Variants in AFF4 observed in about 807,000 individuals in gnomAD.
AFF4 encodes the protein ALF transcription elongation factor 4.
AFF4 carries 13 observed loss-of-function variants against 124.8 expected under a neutral mutation model. The observed-to-expected ratio is 0.10, with a 90% CI of 0.07 to 0.17. AFF4 has a LOEUF of 0.17. Among genes scored for constraint, AFF4 ranks in the 10% least tolerant of loss-of-function variants. AFF4 has a pLI of 1.00. For synonymous variants in AFF4, 477 were observed against 496.1 expected (o/e 0.96, Z 0.51); for missense variants, 1,092 against 1,403.8 (o/e 0.78, Z 3.55).
chr5:132,905,556 T>C (rs1287900369), intron 5 of AFF4, among the ~76,000 whole-genome samples: 1 of 152,130 alleles, frequency 6.6e-6, no homozygotes, highest in Admixed American at 6.5e-5. Context: ...CCAAGACCAT[T>C]ATATGGGAAA....
chr5:132,948,603 C>G (rs888239622), intron 1 of AFF4: 3 of 159,620 alleles, frequency 1.9e-5, no homozygotes, highest in African/African-American at 7.2e-5. Context: ...TGATGGTGAC[C>G]TGTTCAGTTT....
Position 132,875,595 on chromosome 5 carries a change from T to C in AFF4, c.*5464A>G, listed in dbSNP as rs1759819820. 1 of 194,098 alleles carries C rather than the reference T, an allele frequency of 5.2e-6. No homozygotes were observed. The highest frequency in any genetic ancestry group is 1.1e-5 in the Non-Finnish European group (1 of 92,918). The allele number at this position is 194,098 out of a possible 1,614,324, so 12.0% of individuals were successfully genotyped here. A position where few individuals can be genotyped will look rare whatever the true frequency, so the allele number is the denominator to read the frequency against. On this transcript the variant is annotated 3_prime_UTR_variant, in exon 21 of 21. Transcript: ENST00000265343. ...TAAACGCATGTTTGACACTCTAAAC[T>C]TTCTATACTCTCAATACCACAAAAT...
In AFF4 at chr5:132,875,534, A is replaced by G. The variant is rs946954152; in HGVS notation, c.*5525T>C. ...AAATGTGATACCCTTGTCTCCAAAT[A>G]TTTTAATTGCCATAAATTTGTTTAA... is the stretch of plus-strand genomic sequence containing the variant. On this transcript the variant is annotated 3_prime_UTR_variant, in exon 21 of 21. Transcript: ENST00000265343. 1.1e-5 allele frequency: 2 copies of G among 190,116 alleles called. No homozygotes were observed. Among genetic ancestry groups the G allele is most frequent in the African/African-American group, 4.7e-5 (2 of 42,910 alleles). 11.8% of individuals were successfully genotyped at this position (190,116 alleles called of 1,614,324 possible).
chr5:132,908,778 T>TATATA (rs1561490392), intron 5 of AFF4, among the ~76,000 whole-genome samples: 1 of 104,350 alleles, frequency 9.6e-6, no homozygotes, highest in African/African-American at 3.7e-5. Flanking sequence ...ATATATATAT[T>TATATA]TTTTTTTTTT....
At chr5:132,886,488 G>T in intron 17 of AFF4, 85 bp from the exon 18 acceptor site, 1 of 1,236,614 alleles carries the variant, frequency 8.1e-7, no homozygotes, top group Non-Finnish European at 1.2e-6. Flanking sequence ...TTGTGCAGGA[G>T]ACTGGCTCAT....
chr5:132,963,200 C>T (rs1762121325), intron 1 of AFF4, 59 bp downstream of exon 1: 1 of 387,660 alleles, frequency 2.6e-6, no homozygotes, highest in Non-Finnish European at 4.6e-6. Context: ...CCCACCCGGC[C>T]CCGGCCACAA....
intron 5 of AFF4, chr5:132,926,269 T>C (rs375127198): frequency 2.0e-5 from 9 of 452,956 alleles, no homozygotes; most frequent in African/African-American, 1.6e-4. Context: ...GAAAGGCTAT[T>C]ATTAGGGGGA....
intron 5 of AFF4, among the ~76,000 whole-genome samples, chr5:132,912,429 T>C (rs776679673): frequency 1.3e-5 from 2 of 152,136 alleles, no homozygotes; most frequent in Non-Finnish European, 2.9e-5. Flanking sequence ...GGAGTGATGA[T>C]GGCTCACTGC....
chr5:132,907,151 C>A (rs1254322488), intron 5 of AFF4, among the ~76,000 whole-genome samples: 1 of 152,086 alleles, frequency 6.6e-6, no homozygotes, highest in Admixed American at 6.6e-5. Context: ...CCATCTGAAC[C>A]GGAAAGACTT....
rs767989221 is a variant in AFF4, at chr5:132,892,155, A to G, written c.2637+9T>C. 1.9e-6 allele frequency: 3 copies of G among 1,614,048 alleles called. No individual in the cohort carries two copies. The highest frequency in any genetic ancestry group is 2.7e-5 in the African/African-American group (2 of 74,932). Reference sequence around the variant, plus strand: ...GATTTTCAAAAGCCCCAGGCCCCCAACACTTTACCTTAACCTCCTTGGAGC... The same window carrying G: ...GATTTTCAAAAGCCCCAGGCCCCCAGCACTTTACCTTAACCTCCTTGGAGC... On this transcript the variant is annotated intron_variant, in intron 13 of 20. Transcript: ENST00000265343.
intron 1 of AFF4, among the ~76,000 whole-genome samples, chr5:132,957,627 AGGAGGCT>A (rs1761992589): frequency 3.3e-5 from 5 of 152,062 alleles, no homozygotes; most frequent in Admixed American, 3.3e-4. Flanking sequence ...CCAGCTACTC[AGGAGGCT>A]GGGGCAGGAC....
At chr5:132,931,412 G>C (rs556218170) in intron 4 of AFF4, among the ~76,000 whole-genome samples, 5 of 152,288 alleles carry the variant, frequency 3.3e-5, no homozygotes, top group Non-Finnish European at 5.9e-5. Flanking sequence ...CTGGGTAACA[G>C]AGTGAGACTC....
intron 5 of AFF4, among the ~76,000 whole-genome samples, chr5:132,905,897 G>A (rs1009338419): frequency 7.2e-5 from 11 of 152,092 alleles, no homozygotes; most frequent in Non-Finnish European, 1.3e-4. Context: ...TAAGGGGCTG[G>A]TATCCACAAT....
rs143672867 is a variant in AFF4, at chr5:132,878,644, A to AT, written c.*2414dup. On this transcript the variant is annotated 3_prime_UTR_variant, in exon 21 of 21. Transcript: ENST00000265343. ...ATGATAGGATTTTGATCCATTGCCC[A>AT]TTACTACCTTGTGGGAAAAATCCTC... 1,787 of 227,982 alleles carry AT rather than the reference A, an allele frequency of 7.8e-3. 21 individuals are homozygous for AT. Among genetic ancestry groups the AT allele is most frequent in the African/African-American group, 0.031 (1,395 of 45,144 alleles). 14.1% of individuals were successfully genotyped at this position (227,982 alleles called of 1,614,324 possible). A position where few individuals can be genotyped will look rare whatever the true frequency, so the allele number is the denominator to read the frequency against.
chr5:132,915,240 C>T (rs1464530345), intron 5 of AFF4, among the ~76,000 whole-genome samples: 1 of 151,930 alleles, frequency 6.6e-6, no homozygotes, highest in Non-Finnish European at 1.5e-5. Flanking sequence ...ACTCAGGAGG[C>T]TGAGGCAGGA....
chr5:132,893,351 G>C (rs1760309448), intron 11 of AFF4, among the ~76,000 whole-genome samples: 1 of 152,044 alleles, frequency 6.6e-6, no homozygotes, highest in Admixed American at 6.5e-5. Context: ...CTCTAAGATG[G>C]CATCTTTTCA....
At chr5:132,913,542 C>T (rs1262519984) in intron 5 of AFF4, among the ~76,000 whole-genome samples, 1 of 152,192 alleles carries the variant, frequency 6.6e-6, no homozygotes, top group South Asian at 2.1e-4. Flanking sequence ...CTCTTGTGCT[C>T]AGGCAATCCT....
chr5:132,892,934 C>A, intron 12 of AFF4, 96 bp downstream of exon 12: 1 of 1,190,348 alleles, frequency 8.4e-7, no homozygotes, highest in Non-Finnish European at 1.2e-6. Flanking sequence ...CACTTGCTTA[C>A]TAAAAGGAAC....
At chr5:132,944,695 T>C (rs1345499776) in intron 1 of AFF4, among the ~76,000 whole-genome samples, 1 of 151,848 alleles carries the variant, frequency 6.6e-6, no homozygotes, top group Non-Finnish European at 1.5e-5. Flanking sequence ...CTTTGGAGGC[T>C]GAGGCAGGCG....
Sources: allele counts gnomAD v4.1 joint callset (sites outside exome capture counted in the v4.1 genomes callset), GRCh38; gene constraint gnomAD v4.1.1; transcripts MANE v1.5; gene names NCBI Gene and HGNC (gene_info 2026-07-23, HGNC 2026-07-21).